PALLD: variants seen among roughly 807,000 people sequenced by gnomAD.
PALLD encodes the protein palladin.
In PALLD, 61 loss-of-function variants were observed where a neutral mutation model predicts 123.5. The observed-to-expected ratio is 0.49, with a 90% CI of 0.40 to 0.61. PALLD has a LOEUF of 0.61. Ranked by LOEUF, PALLD falls within the 20% of genes least tolerant of loss-of-function variation. The pLI is 0.00. For missense variants in PALLD, 1,273 were observed against 1,377.0 expected, an observed-to-expected ratio of 0.92 and a Z score of 1.20; for synonymous variants, 465 against 496.4, an observed-to-expected ratio of 0.94 and a Z score of 0.84.
chr4:168,823,176 A>T (rs1275749304), intron 10 of PALLD, among the ~76,000 whole-genome samples: 2 of 152,136 alleles, frequency 1.3e-5, no homozygotes, highest in Admixed American at 1.3e-4. Context: ...TTAAAATTAA[A>T]ATTTTTTCTT....
chr4:168,878,028 G>C, intron 10 of PALLD: 1 of 1,491,036 alleles, frequency 6.7e-7, no homozygotes, highest in African/African-American at 1.5e-5. Flanking sequence ...TCCAGCCCCA[G>C]CTCGTCCAGC....
chr4:168,525,829 G>T (rs1763993366), intron 2 of PALLD, among the ~76,000 whole-genome samples: 1 of 152,096 alleles, frequency 6.6e-6, no homozygotes, highest in South Asian at 2.1e-4. Flanking sequence ...GGCCAATGCA[G>T]GTAAAATGAT....
intron 2 of PALLD, among the ~76,000 whole-genome samples, chr4:168,569,153 C>T (rs1192886889): frequency 2.0e-5 from 3 of 152,064 alleles, no homozygotes; most frequent in Non-Finnish European, 4.4e-5. Context: ...TATCAGCAAG[C>T]ACATTAACTC....
At chr4:168,576,664 T>C (rs868818776) in intron 2 of PALLD, among the ~76,000 whole-genome samples, 5 of 152,302 alleles carry the variant, frequency 3.3e-5, no homozygotes, top group African/African-American at 1.2e-4. Context: ...GTTCCAAGTC[T>C]TTGCTATTGT....
chr4:168,629,025 T>C (rs899886708), intron 2 of PALLD, among the ~76,000 whole-genome samples: 15 of 152,050 alleles, frequency 9.9e-5, no homozygotes, highest in African/African-American at 3.4e-4. Flanking sequence ...GTATTTTTTT[T>C]TTTTTTTTGA....
At chr4:168,785,160 G>A (rs1452586947) in intron 10 of PALLD, among the ~76,000 whole-genome samples, 1 of 136,002 alleles carries the variant, frequency 7.4e-6, no homozygotes, top group Non-Finnish European at 1.5e-5. Context: ...AATTTAAGCT[G>A]TTAGTATGGA....
intron 5 of PALLD, among the ~76,000 whole-genome samples, chr4:168,684,930 C>T (rs192663778): frequency 3.5e-4 from 54 of 152,290 alleles, no homozygotes; most frequent in Admixed American, 2.2e-3. Context: ...ACTCTGAAAT[C>T]CTTATATTTC....
intron 10 of PALLD, among the ~76,000 whole-genome samples, chr4:168,789,669 A>G (rs1402277260): frequency 6.6e-6 from 1 of 150,488 alleles, no homozygotes; most frequent in Non-Finnish European, 1.5e-5. Context: ...GTGCCACTGC[A>G]TTCCAGCCTG....
At chr4:168,826,650 T>C (rs886269661) in intron 10 of PALLD, among the ~76,000 whole-genome samples, 1 of 152,200 alleles carries the variant, frequency 6.6e-6, no homozygotes, top group African/African-American at 2.4e-5. Context: ...AACTAAATAC[T>C]GTGTTTTGCA....
intron 10 of PALLD, among the ~76,000 whole-genome samples, chr4:168,740,125 A>G (rs1319933876): frequency 2.0e-5 from 3 of 152,038 alleles, no homozygotes; most frequent in African/African-American, 7.3e-5. Context: ...TAAAAAAAAA[A>G]CTTGTAAATT....
chr4:168,719,564 G>GTT (rs997093789), intron 10 of PALLD, among the ~76,000 whole-genome samples: 1 of 152,056 alleles, frequency 6.6e-6, no homozygotes, highest in African/African-American at 2.4e-5. Flanking sequence ...CCAGCCAAAA[G>GTT]TATTATTTAA....
chr4:168,497,520 C>T (rs1760874925), intron 1 of PALLD, among the ~76,000 whole-genome samples: 1 of 152,102 alleles, frequency 6.6e-6, no homozygotes, highest in Non-Finnish European at 1.5e-5. Flanking sequence ...TTGTCAAGAT[C>T]GTGTATGTGT....
intron 1 of PALLD, chr4:168,506,140 G>A (rs1024593180): frequency 1.3e-4 from 20 of 152,222 alleles, no homozygotes; most frequent in African/African-American, 4.6e-4. Flanking sequence ...AGCTCTGGTG[G>A]AGAGAATTGC....
intron 2 of PALLD, among the ~76,000 whole-genome samples, chr4:168,630,507 T>C (rs927147269): frequency 6.6e-6 from 1 of 152,202 alleles, no homozygotes; most frequent in African/African-American, 2.4e-5. Context: ...TAAAGATATA[T>C]ACACTGAACG....
chr4:168,867,493 T>C (rs1216761672), intron 10 of PALLD, among the ~76,000 whole-genome samples: 1 of 152,186 alleles, frequency 6.6e-6, no homozygotes, highest in Non-Finnish European at 1.5e-5. Flanking sequence ...CACTATACTT[T>C]TTATATGCAC....
chr4:168,831,294 T>C (rs999063870), intron 10 of PALLD, among the ~76,000 whole-genome samples: 3 of 152,192 alleles, frequency 2.0e-5, no homozygotes, highest in Non-Finnish European at 1.5e-5. Context: ...GAAGTTCCTG[T>C]GTAGATGAGC....
intron 17 of PALLD, 112 bp downstream of exon 17, chr4:168,916,139 A>G: frequency 9.8e-7 from 1 of 1,018,190 alleles, no homozygotes; most frequent in Non-Finnish European, 1.5e-6. Context: ...AGAGCTGGGC[A>G]CAGTGGCTCA....
chr4:168,605,925 A>G (rs1262216147), intron 2 of PALLD, among the ~76,000 whole-genome samples: 2 of 149,324 alleles, frequency 1.3e-5, no homozygotes, highest in Non-Finnish European at 3.0e-5. Flanking sequence ...CTTTTTTTTA[A>G]GAGTTTGCCC....
intron 2 of PALLD, among the ~76,000 whole-genome samples, chr4:168,624,280 C>T (rs1421553163): frequency 6.6e-6 from 1 of 151,718 alleles, no homozygotes; most frequent in Admixed American, 6.6e-5. Flanking sequence ...TAATTCATGG[C>T]CAAGAAATTT....
Sources: allele counts gnomAD v4.1 joint callset (sites outside exome capture counted in the v4.1 genomes callset), GRCh38; gene constraint gnomAD v4.1.1; transcripts MANE v1.5; gene names NCBI Gene and HGNC (gene_info 2026-07-23, HGNC 2026-07-21).